ZFP62: variants seen among roughly 807,000 people sequenced by gnomAD.
The protein encoded by ZFP62 is zinc finger protein 62 homolog.
Under a neutral mutation model 56.4 loss-of-function variants are expected in ZFP62, and 44 were observed. The observed-to-expected ratio is 0.78, with a 90% confidence interval of 0.61 to 1.00. The LOEUF is 1.00. ZFP62 is among the 50% of genes least tolerant of loss of function. ZFP62 has a pLI of 0.00. For synonymous variants in ZFP62, 421 were observed against 388.9 expected (o/e 1.08, Z -0.97); for missense variants, 1,030 against 1,085.7 (o/e 0.95, Z 0.72).
downstream of ZFP62, among the ~76,000 whole-genome samples, chr5:180,843,794 G>A (rs759357137): frequency 2.6e-4 from 39 of 152,310 alleles, no homozygotes; most frequent in Non-Finnish European, 5.0e-4. Context: ...ATGACTGCAT[G>A]CGGCATCTGC....
At position 180,850,127 on chromosome 5, in the gene ZFP62, T is replaced by C. The variant is rs1581962215; in HGVS notation, c.1368A>G (p.Lys456=). 1 of 1,551,782 alleles carries C rather than the reference T, an allele frequency of 6.4e-7. No homozygotes were observed. Among genetic ancestry groups the C allele is most frequent in the South Asian group, 1.2e-5 (1 of 84,064 alleles). The part of the protein sequence containing the change: ...ERPYVCDVCG[K]TFRNNAGLKV... ...TGAGGCCTGCATTGTTTCTGAACGTTTTCCCACACACATCACATACATAAG... is the reference window on the plus strand; with the variant it reads ...TGAGGCCTGCATTGTTTCTGAACGTCTTCCCACACACATCACATACATAAG... The change falls in exon 2 of 2, where the codon AAA becomes AAG. Residue 456 remains lysine (K), a synonymous_variant. Coordinates refer to ENST00000502412, the MANE Select transcript of ZFP62 (RefSeq NM_001172638.2).
In ZFP62 at chr5:180,851,191, T is replaced by A; in HGVS notation, c.304A>T (p.Thr102Ser). Residue 102 changes from threonine (T) to serine (S), a missense_variant, in exon 2 of 2, where the codon ACA (threonine) becomes TCA (serine). Thr to Ser is a moderately conservative substitution (Grantham distance 58, BLOSUM62 1). Transcript: ENST00000502412. ...KSLHLSPQHI[T>S]HQTMPIGQRG... is the part of the protein sequence containing the mutation. Reference sequence around the variant, plus strand: ...TGTCCTATAGGCATAGTCTGGTGTGTGATATGCTGTGGGCTCAGATGCAAG... The same window carrying A: ...TGTCCTATAGGCATAGTCTGGTGTGAGATATGCTGTGGGCTCAGATGCAAG... 1 of 1,551,696 alleles carries A rather than the reference T, an allele frequency of 6.4e-7. No individual in the cohort carries two copies. The highest frequency in any genetic ancestry group is 8.7e-7 in the Non-Finnish European group (1 of 1,146,994).
the ZFP62 span, among the ~76,000 whole-genome samples, chr5:180,837,153 T>G: frequency 6.6e-6 from 1 of 152,298 alleles, no homozygotes; most frequent in East Asian, 1.9e-4. Context: ...TTAGTAAGCA[T>G]GAAACAGCTT....
At chr5:180,837,008 C>T in the ZFP62 span, among the ~76,000 whole-genome samples, 2 of 152,218 alleles carry the variant, frequency 1.3e-5, no homozygotes. Flanking sequence ...GTGTAGCCAC[C>T]TGAGAGCCAG....
chr5:180,838,020 A>T, the ZFP62 span, among the ~76,000 whole-genome samples: 1 of 152,220 alleles, frequency 6.6e-6, no homozygotes, highest in Non-Finnish European at 1.5e-5. Flanking sequence ...ACTCTCCTTT[A>T]AACATTTATT....
the ZFP62 span, chr5:180,835,543 T>G: frequency 6.6e-6 from 1 of 152,358 alleles, no homozygotes; most frequent in African/African-American, 2.4e-5. Context: ...TCTTCCTCTG[T>G]GGATTGATAT....
chr5:180,833,478 C>CA, the ZFP62 span, among the ~76,000 whole-genome samples: 10,858 of 76,376 alleles, frequency 0.14, 687 homozygotes, highest in African/African-American at 0.21. Context: ...AACTCTGTCT[C>CA]AAAAAAAAAA....
Position 180,848,623 on chromosome 5 carries a change from A to G in ZFP62, c.*169T>C. 1 of 1,366,020 alleles carries G rather than the reference A, an allele frequency of 7.3e-7. No homozygotes were observed. Among genetic ancestry groups the G allele is most frequent in the Admixed American group, 3.1e-5 (1 of 32,124 alleles). The allele number at this position is 1,366,020 out of a possible 1,614,324, so 84.6% of individuals were successfully genotyped here. ...AAGAGCTGAACTACCTTGACACTGG[A>G]GCCTTTCTTGCTTGCTATGATTGAA... On this transcript the variant is annotated 3_prime_UTR_variant, in exon 2 of 2. Transcript: ENST00000502412.
Position 180,861,200 on chromosome 5 carries a change from CG to C in ZFP62, c.1+18del. 2.5e-6 allele frequency: 1 copy of C among 398,300 alleles called. No homozygotes were observed. Among genetic ancestry groups the C allele is most frequent in the African/African-American group, 2.1e-5 (1 of 48,726 alleles). The allele number at this position is 398,300 out of a possible 1,614,324, so 24.7% of individuals were successfully genotyped here. ...CAAGGGCCGGGGGCGGGAGCGCGGG[CG>C]GCCGCGGACTCACGTACTGGCTGTG... On this transcript the variant is annotated intron_variant, in intron 1 of 1. Transcript: ENST00000502412.
the ZFP62 span, chr5:180,831,861 C>G: frequency 6.8e-6 from 1 of 147,048 alleles, no homozygotes; most frequent in Non-Finnish European, 1.5e-5. Flanking sequence ...TCGTCCTGTG[C>G]TGGCCTAACC....
intron 1 of ZFP62, among the ~76,000 whole-genome samples, chr5:180,854,163 G>A (rs1434915827): frequency 6.6e-6 from 1 of 152,108 alleles, no homozygotes; most frequent in Non-Finnish European, 1.5e-5. Flanking sequence ...TCAAAGAAAT[G>A]GCTGATTGCA....
chr5:180,829,590 G>A, the ZFP62 span, among the ~76,000 whole-genome samples: 15 of 152,314 alleles, frequency 9.8e-5, no homozygotes, highest in East Asian at 9.7e-4. Flanking sequence ...GGGTTCCCCC[G>A]ATATCTGGCC....
chr5:180,832,533 AG>A, the ZFP62 span: 8 of 152,346 alleles, frequency 5.3e-5, no homozygotes, highest in Admixed American at 5.2e-4. Flanking sequence ...CTGTTACAGC[AG>A]CAATAAGAAA....
At position 180,848,796 on chromosome 5, in the gene ZFP62, A is replaced by C; in HGVS notation, c.2699T>G (p.Leu900Arg). The C allele has an allele frequency of 1.3e-6, 2 of 1,523,990 alleles. No individual in the cohort carries two copies. The highest frequency in any genetic ancestry group is 1.8e-6 in the Non-Finnish European group (2 of 1,130,264). 94.4% of individuals were successfully genotyped at this position (1,523,990 alleles called of 1,614,324 possible). ...AGACTTGGTAAGCTCTGCCTGCTAC[A>C]GAGGCATCCTCATCCTGCCCCCATC... is the stretch of plus-strand genomic sequence containing the variant. The part of the protein sequence containing the change: ...ALDGGRMRMP[L>R] Residue 900 changes from leucine (L) to arginine (R), a missense_variant, in exon 2 of 2, where the codon CTG becomes CGG. Leu to Arg is a moderately radical substitution (Grantham distance 102). Coordinates refer to ENST00000502412, the MANE Select transcript of ZFP62 (RefSeq NM_001172638.2).
At chr5:180,840,039 A>G in the ZFP62 span, among the ~76,000 whole-genome samples, 1 of 123,526 alleles carries the variant, frequency 8.1e-6, no homozygotes, top group Non-Finnish European at 1.5e-5. Flanking sequence ...GGGACTGCCT[A>G]AAGAAAGAAT....
chr5:180,830,771 A>C, the ZFP62 span: 1 of 152,428 alleles, frequency 6.6e-6, no homozygotes, highest in African/African-American at 2.4e-5. Flanking sequence ...CTCCTTCAGC[A>C]GCTTGCCACA....
At chr5:180,839,852 G>C in the ZFP62 span, among the ~76,000 whole-genome samples, 132 of 152,268 alleles carry the variant, frequency 8.7e-4, no homozygotes, top group African/African-American at 2.8e-3. Context: ...AGAACTCCCA[G>C]CGCCAAGGAC....
Position 180,848,562 on chromosome 5 carries a change from G to C in ZFP62, c.*230C>G, listed in dbSNP as rs1370920280. 5.7e-5 allele frequency: 70 copies of C among 1,233,478 alleles called. No individual in the cohort carries two copies. Among genetic ancestry groups the C allele is most frequent in the Non-Finnish European group, 7.1e-5 (70 of 986,350 alleles). 76.4% of individuals were successfully genotyped at this position (1,233,478 alleles called of 1,614,324 possible). The stretch of plus-strand genomic sequence containing the variant: ...TTCACATTCCATCACTCAGATCTAA[G>C]TTTTTCTCTCAAGTATGGACTGTTT... On this transcript the variant is annotated 3_prime_UTR_variant, in exon 2 of 2. Coordinates refer to ENST00000502412, the MANE Select transcript of ZFP62 (RefSeq NM_001172638.2).
intron 1 of ZFP62, among the ~76,000 whole-genome samples, chr5:180,860,097 G>A (rs1329774206): frequency 6.6e-6 from 1 of 152,156 alleles, no homozygotes; most frequent in African/African-American, 2.4e-5. Context: ...GACATGTAGA[G>A]ACCAGTAAGA....
Sources: allele counts gnomAD v4.1 joint callset (sites outside exome capture counted in the v4.1 genomes callset), GRCh38; gene constraint gnomAD v4.1.1; transcripts MANE v1.5; gene names NCBI Gene and HGNC (gene_info 2026-07-23, HGNC 2026-07-21).